The following VPS39 variants were observed in gnomAD, a reference collection of about 807,000 sequenced individuals.
VPS39 encodes the protein VPS39 subunit of HOPS complex.
A neutral mutation model predicts 121.0 loss-of-function variants in VPS39; 70 were observed. The observed-to-expected ratio is 0.58, with a 90% CI of 0.48 to 0.71. The LOEUF is 0.71. Among genes scored for constraint, VPS39 ranks in the 30% least tolerant of loss-of-function variants. The probability of loss-of-function intolerance (pLI) is 0.00; values close to 1 mark genes in which losing one functional copy is unlikely to be tolerated. For missense variants in VPS39, 818 were observed against 1,051.5 expected, an observed-to-expected ratio of 0.78 and a Z score of 3.07; for synonymous variants, 378 against 398.1, an observed-to-expected ratio of 0.95 and a Z score of 0.60.
intron 2 of VPS39, among the ~76,000 whole-genome samples, chr15:42,193,930 A>G (rs2049882084): frequency 2.0e-5 from 3 of 151,952 alleles, no homozygotes; most frequent in Admixed American, 2.0e-4. Context: ...CAAAAATAAT[A>G]CTCCCTGAAA....
chr15:42,195,604 C>T lies in VPS39; in HGVS notation c.140-4044G>A, dbSNP rs1424160208. On this transcript the variant is annotated intron_variant, in intron 2 of 24. Coordinates refer to ENST00000318006, the MANE Select transcript of VPS39 (RefSeq NM_015289.5). ...AAAGAGAATAAAATACCTAGGAATC[C>T]AACTTACAAGGGATGTGAAGAACCT... Among the ~76,000 whole-genome samples, 10 of 152,246 alleles carry T rather than the reference C, an allele frequency of 6.6e-5. No individual in the cohort carries two copies. In the East Asian group the frequency reaches 1.7e-3, roughly 26 times the overall value.
intron 14 of VPS39, 48 bp downstream of exon 14, chr15:42,166,724 C>A: frequency 6.2e-7 from 1 of 1,613,796 alleles, no homozygotes; most frequent in Non-Finnish European, 8.5e-7. Context: ...TGGGTTTCCC[C>A]TGCCATGTAC....
At chr15:42,207,863 C>T (rs1471694135) in intron 1 of VPS39, among the ~76,000 whole-genome samples, 1 of 152,238 alleles carries the variant, frequency 6.6e-6, no homozygotes, top group Non-Finnish European at 1.5e-5. Context: ...GGGAACTCCC[C>T]TAAATGACTG....
At position 42,163,410 on chromosome 15, in the gene VPS39, G is replaced by A; in HGVS notation, c.2130-15C>T. On this transcript the variant is annotated splice_polypyrimidine_tract_variant and intron_variant, in intron 20 of 24. Coordinates refer to ENST00000318006, the MANE Select transcript of VPS39 (RefSeq NM_015289.5). ...TGTGGCAGTACCTGCAAGGGAGAGA[G>A]TGGTGAGAGCAGGTGGTGTGAGGGG... The A allele has an allele frequency of 6.2e-7, 1 of 1,614,202 alleles. No homozygotes were observed. The highest frequency in any genetic ancestry group is 1.1e-5 in the South Asian group (1 of 91,088).
chr15:42,195,118 A>G (rs1595679570), intron 2 of VPS39, among the ~76,000 whole-genome samples: 1 of 152,232 alleles, frequency 6.6e-6, no homozygotes, highest in East Asian at 1.9e-4. Context: ...CTCAGACATG[A>G]ACAAATCTAA....
rs763178150 is a variant in VPS39 at position 42,178,444 on chromosome 15, C to A, written c.839+6G>T. On this transcript the variant is annotated splice_donor_region_variant and intron_variant, in intron 9 of 24. Transcript: ENST00000318006. Reference sequence around the variant, plus strand: ...TACAGCCATAGCAAAAAAAGAAATTCCTTACCCTCCTGAGGTAATGAAACG... The same window carrying A: ...TACAGCCATAGCAAAAAAAGAAATTACTTACCCTCCTGAGGTAATGAAACG... 6.2e-7 allele frequency: 1 copy of A among 1,614,182 alleles called. No homozygotes were observed. Among genetic ancestry groups the A allele is most frequent in the Non-Finnish European group, 8.5e-7 (1 of 1,180,038 alleles).
intron 13 of VPS39, 102 bp downstream of exon 13, chr15:42,167,292 T>C: frequency 6.9e-7 from 1 of 1,440,976 alleles, no homozygotes; most frequent in Non-Finnish European, 9.4e-7. Context: ...AAGACTTCAC[T>C]CTTACTAATG....
chr15:42,178,695 G>T, intron 8 of VPS39, 125 bp from the exon 9 acceptor site: 2 of 1,367,970 alleles, frequency 1.5e-6, no homozygotes, highest in South Asian at 1.4e-5. Flanking sequence ...CAAATATCAA[G>T]CCAGGATCTT....
intron 2 of VPS39, among the ~76,000 whole-genome samples, chr15:42,193,707 T>G (rs2049876647): frequency 6.6e-6 from 1 of 152,214 alleles, no homozygotes; most frequent in African/African-American, 2.4e-5. Context: ...AGAAAAAATC[T>G]TTAATTATGG....
At chr15:42,179,416 A>T (rs534242617) in intron 8 of VPS39, among the ~76,000 whole-genome samples, 1 of 151,114 alleles carries the variant, frequency 6.6e-6, no homozygotes, top group African/African-American at 2.4e-5. Context: ...AAAAAAAAAA[A>T]ATACAAAAAA....
chr15:42,197,288 C>A (rs1373317633), intron 2 of VPS39, among the ~76,000 whole-genome samples: 1 of 148,956 alleles, frequency 6.7e-6, no homozygotes, highest in Non-Finnish European at 1.5e-5. Context: ...AACAAACCTG[C>A]ACGTTGTGCA....
chr15:42,178,487 T>G lies in VPS39; in HGVS notation c.802A>C (p.Ile268Leu). The stretch of plus-strand genomic sequence containing the variant: ...ATGAAACGGGGCCTTTGCAATTCAA[T>G]GCTTTGGACCAGAAGCCTCGGTTCA... Reference protein sequence around the residue: ...TFEPRLLVQSIELQRPRFITS... With the variant: ...TFEPRLLVQSLELQRPRFITS... The change falls in exon 9 of 25, where the codon ATT (isoleucine) becomes CTT (leucine). Residue 268 changes from isoleucine (I) to leucine (L), a missense_variant. Transcript: ENST00000318006. 1 of 1,614,176 alleles carries G rather than the reference T, an allele frequency of 6.2e-7. No individual in the cohort carries two copies. Among genetic ancestry groups the G allele is most frequent in the South Asian group, 1.1e-5 (1 of 91,082 alleles).
intron 20 of VPS39, 52 bp downstream of exon 20, chr15:42,163,574 G>A: frequency 1.9e-6 from 3 of 1,559,736 alleles, no homozygotes; most frequent in East Asian, 2.3e-5. Flanking sequence ...TCATCTCTCT[G>A]CAGGGCCTGC....
chr15:42,161,167 G>T (rs1288534699), intron 24 of VPS39: 2 of 352,134 alleles, frequency 5.7e-6, no homozygotes, highest in Non-Finnish European at 1.1e-5. Flanking sequence ...CAGGTTTCAG[G>T]CTAATTCTGA....
intron 8 of VPS39, among the ~76,000 whole-genome samples, chr15:42,181,913 T>C (rs1159851260): frequency 6.6e-6 from 1 of 152,172 alleles, no homozygotes; most frequent in East Asian, 1.9e-4. Flanking sequence ...AGGGTCTCAC[T>C]ATGTTGCCCA....
intron 8 of VPS39, among the ~76,000 whole-genome samples, chr15:42,180,991 A>G (rs1595662997): frequency 6.6e-6 from 1 of 152,202 alleles, no homozygotes; most frequent in East Asian, 1.9e-4. Context: ...TAGAATCACC[A>G]TATGGTCCAG....
intron 1 of VPS39, among the ~76,000 whole-genome samples, chr15:42,201,455 G>A (rs2050066659): frequency 2.0e-5 from 3 of 152,226 alleles, no homozygotes; most frequent in Admixed American, 2.0e-4. Context: ...GATTACAGGG[G>A]TGAGCGACTG....
chr15:42,167,033 G>A (rs1176033140), intron 13 of VPS39, 120 bp from the exon 14 acceptor site: 26 of 1,424,156 alleles, frequency 1.8e-5, no homozygotes, highest in Admixed American at 1.7e-4. Context: ...AAAGCAGACA[G>A]CCCTCTTTCA....
At chr15:42,176,060 T>C (rs2049445793) in intron 10 of VPS39, among the ~76,000 whole-genome samples, 1 of 152,164 alleles carries the variant, frequency 6.6e-6, no homozygotes, top group Non-Finnish European at 1.5e-5. Context: ...AAAGATAGGT[T>C]CTTCCTGGAC....
Sources: gnomAD v4.1 joint callset for allele counts (sites outside exome capture counted in the v4.1 genomes callset) on GRCh38, gnomAD v4.1.1 for gene constraint, MANE v1.5 for transcripts, NCBI Gene and HGNC (gene_info 2026-07-23, HGNC 2026-07-21) for gene names.